Variants in CACNA1E observed in about 807,000 individuals in gnomAD.
CACNA1E encodes voltage-dependent R-type calcium channel subunit alpha-1E.
Under a neutral mutation model 259.2 loss-of-function variants are expected in CACNA1E, and 40 were observed. That is an observed-to-expected ratio of 0.15 (90% CI 0.12 to 0.20). The LOEUF is 0.20. CACNA1E is among the 10% of genes least tolerant of loss of function. The pLI, the probability that CACNA1E is intolerant of heterozygous loss-of-function variation, is 1.00. For synonymous variants in CACNA1E, 1,104 were observed against 1,138.5 expected, an observed-to-expected ratio of 0.97 and a Z score of 0.61; for missense variants, 1,874 against 3,040.1, an observed-to-expected ratio of 0.62 and a Z score of 9.02.
chr1:181,477,547 T>C (rs1293907378), intron 2 of CACNA1E, among the ~76,000 whole-genome samples: 1 of 152,236 alleles, frequency 6.6e-6, no homozygotes, highest in Non-Finnish European at 1.5e-5. Context: ...TCAGGTATCA[T>C]GGCCTTTGGG....
At chr1:181,506,519 G>A (rs553235495) in intron 1 of CACNA1E, among the ~76,000 whole-genome samples, 6 of 152,236 alleles carry the variant, frequency 3.9e-5, no homozygotes, top group Middle Eastern at 3.4e-3. Context: ...ATATACCATG[G>A]GCTCTGCTAA....
chr1:181,362,700 G>A (rs963240143), intron 1 of CACNA1E, among the ~76,000 whole-genome samples: 6 of 152,204 alleles, frequency 3.9e-5, no homozygotes, highest in Non-Finnish European at 8.8e-5. Context: ...GCAGCTTGCT[G>A]GGGACCTCAT....
chr1:181,547,866 A>G (rs1040064021), intron 3 of CACNA1E, among the ~76,000 whole-genome samples: 3 of 152,244 alleles, frequency 2.0e-5, no homozygotes, highest in Non-Finnish European at 1.5e-5. Context: ...ACATAGAAGT[A>G]AAAACTGTCT....
At chr1:181,458,110 T>C (rs1661575774) in intron 2 of CACNA1E, among the ~76,000 whole-genome samples, 1 of 152,260 alleles carries the variant, frequency 6.6e-6, no homozygotes, top group South Asian at 2.1e-4. Context: ...TCTATTCCTG[T>C]TCTTCAAACT....
intron 1 of CACNA1E, among the ~76,000 whole-genome samples, chr1:181,345,920 C>A (rs938626890): frequency 6.6e-6 from 1 of 152,198 alleles, no homozygotes; most frequent in African/African-American, 2.4e-5. Flanking sequence ...CGAGGGTGAG[C>A]TTCAGCTCCC....
intron 29 of CACNA1E, 104 bp downstream of exon 29, chr1:181,756,197 C>G: frequency 9.5e-6 from 11 of 1,161,930 alleles, no homozygotes; most frequent in Non-Finnish European, 1.3e-5. Flanking sequence ...GTTATTGTAT[C>G]AGGGAAAGTA....
chr1:181,557,846 AG>A (rs1648899705), intron 3 of CACNA1E, among the ~76,000 whole-genome samples: 1 of 152,190 alleles, frequency 6.6e-6, no homozygotes, highest in Non-Finnish European at 1.5e-5. Context: ...TGCTGCCAAA[AG>A]GGATCCCACC....
chr1:181,684,951 G>C (rs1650365724), intron 7 of CACNA1E, among the ~76,000 whole-genome samples: 1 of 148,994 alleles, frequency 6.7e-6, no homozygotes, highest in South Asian at 2.1e-4. Flanking sequence ...TGATTGGACA[G>C]CCTTTGAATT....
chr1:181,660,799 G>A (rs1458729984), intron 7 of CACNA1E, among the ~76,000 whole-genome samples: 1 of 152,198 alleles, frequency 6.6e-6, no homozygotes, highest in Non-Finnish European at 1.5e-5. Flanking sequence ...CATTGAAGGT[G>A]ACTGGCTAAC....
intron 34 of CACNA1E, among the ~76,000 whole-genome samples, chr1:181,764,691 G>A (rs2102730534): frequency 6.6e-6 from 1 of 152,200 alleles, no homozygotes; most frequent in East Asian, 1.9e-4. Context: ...TCTAAAGTTA[G>A]ATATGGAGGA....
At chr1:181,465,539 G>A (rs1336809598) in intron 2 of CACNA1E, among the ~76,000 whole-genome samples, 1 of 152,024 alleles carries the variant, frequency 6.6e-6, no homozygotes, top group African/African-American at 2.4e-5. Flanking sequence ...TCCCTGGGCT[G>A]TATACTGTGG....
At chr1:181,331,730 G>A (rs1571583320) in intron 1 of CACNA1E, among the ~76,000 whole-genome samples, 1 of 152,078 alleles carries the variant, frequency 6.6e-6, no homozygotes, top group Non-Finnish European at 1.5e-5. Context: ...GTGAGGGCTC[G>A]GGTGATGCTA....
At chr1:181,434,567 G>C (rs1011976261) in intron 2 of CACNA1E, among the ~76,000 whole-genome samples, 1 of 152,134 alleles carries the variant, frequency 6.6e-6, no homozygotes, top group African/African-American at 2.4e-5. Flanking sequence ...CTTCAGGTAG[G>C]GTGGGCAGCG....
At chr1:181,460,631 A>G (rs1440330242) in intron 2 of CACNA1E, among the ~76,000 whole-genome samples, 2 of 152,218 alleles carry the variant, frequency 1.3e-5, no homozygotes, top group Non-Finnish European at 2.9e-5. Flanking sequence ...GAGTTCCCTC[A>G]GGAGGAAGGA....
Position 181,418,777 on chromosome 1 carries a change from A to G in CACNA1E, c.434+5197A>G, listed in dbSNP as rs934404014. 2.0e-5 allele frequency among the ~76,000 whole-genome samples: 3 copies of G among 152,066 alleles called. No homozygotes were observed. In the East Asian group the frequency reaches 5.8e-4, roughly 29 times the overall value. On this transcript the variant is annotated intron_variant, in intron 2 of 11. Coordinates refer to the CACNA1E transcript ENST00000524607. ...AGTGTCTCCCCCCTCAAAATGTATC[A>G]GATCACCATTCACCACCTCTGCTGC...
chr1:181,519,014 A>C (rs1429388615), intron 3 of CACNA1E, among the ~76,000 whole-genome samples: 1 of 152,188 alleles, frequency 6.6e-6, no homozygotes, highest in African/African-American at 2.4e-5. Context: ...AATTATGGCA[A>C]GGTGCTTTCT....
At position 181,804,726 on chromosome 1, in the gene CACNA1E, A is replaced by C. The variant is rs939058731; in HGVS notation, c.*5892A>C. On this transcript the variant is annotated 3_prime_UTR_variant, in exon 48 of 48. Transcript: ENST00000367573. Reference sequence around the variant, plus strand: ...AAGTTAATAATACATAATTTAAAGCACTTAGTCTCCACAAAGCAATTTAGA... The same window carrying C: ...AAGTTAATAATACATAATTTAAAGCCCTTAGTCTCCACAAAGCAATTTAGA... 6 of 152,122 alleles carry C rather than the reference A, an allele frequency of 3.9e-5. No homozygotes were observed. The highest frequency in any genetic ancestry group is 1.4e-4 in the African/African-American group (6 of 41,440). The allele number at this position is 152,122 out of a possible 1,614,324, so 9.4% of individuals were successfully genotyped here. A position where few individuals can be genotyped will look rare whatever the true frequency, so the allele number is the denominator to read the frequency against.
intron 3 of CACNA1E, among the ~76,000 whole-genome samples, chr1:181,522,651 T>A (rs1452667830): frequency 6.6e-6 from 1 of 152,156 alleles, no homozygotes; most frequent in Non-Finnish European, 1.5e-5. Context: ...GGCCCTTACA[T>A]CCTTCCAGTG....
chr1:181,347,881 A>G (rs1178097630), intron 1 of CACNA1E, among the ~76,000 whole-genome samples: 1 of 152,252 alleles, frequency 6.6e-6, no homozygotes, highest in Non-Finnish European at 1.5e-5. Context: ...TTATCAAGAA[A>G]TAACAATATC....
Sources: allele counts gnomAD v4.1 joint callset (sites outside exome capture counted in the v4.1 genomes callset), GRCh38; gene constraint gnomAD v4.1.1; transcripts MANE v1.5; gene names NCBI Gene and HGNC (gene_info 2026-07-23, HGNC 2026-07-21).